The following DOCK9 variants were observed in gnomAD, a reference collection of about 807,000 sequenced individuals.
The protein encoded by DOCK9 is dedicator of cytokinesis 9.
DOCK9 carries 89 observed loss-of-function variants against 263.3 expected under a neutral mutation model. That is an observed-to-expected ratio of 0.34 (90% CI 0.28 to 0.40). The LOEUF (loss-of-function observed/expected upper bound fraction) is 0.40, where lower values mean the gene tolerates loss of function less well. DOCK9 is among the 10% of genes least tolerant of loss of function. The pLI is 1.00. For synonymous variants in DOCK9, 976 were observed against 973.1 expected (o/e 1.00, Z -0.06); for missense variants, 2,140 against 2,603.4 (o/e 0.82, Z 3.87).
At chr13:98,916,521 G>A (rs1279641985) in intron 7 of DOCK9, among the ~76,000 whole-genome samples, 1 of 152,180 alleles carries the variant, frequency 6.6e-6, no homozygotes, top group Non-Finnish European at 1.5e-5. Context: ...AGGTCTCAGG[G>A]ACAGGGCAAC....
chr13:99,062,487 A>G (rs2041234510), intron 1 of DOCK9, among the ~76,000 whole-genome samples: 2 of 152,190 alleles, frequency 1.3e-5, no homozygotes, highest in South Asian at 4.1e-4. Flanking sequence ...GACCTCCTTG[A>G]TAAGCACCAT....
intron 2 of DOCK9, among the ~76,000 whole-genome samples, chr13:98,942,232 GT>G (rs1200970916): frequency 1.1e-5 from 1 of 90,458 alleles, no homozygotes; most frequent in Non-Finnish European, 2.2e-5. Context: ...TTTTTTTTTT[GT>G]TGTTTTTTTT....
chr13:98,826,788 T>C (rs1170114994), intron 44 of DOCK9, 42 bp downstream of exon 44: 2 of 1,504,692 alleles, frequency 1.3e-6, no homozygotes, highest in Admixed American at 1.9e-5. Flanking sequence ...TTGTGTGGTT[T>C]TATACTAATT....
chr13:99,045,289 AATATGGTGT>A lies in DOCK9; in HGVS notation c.129+40925_129+40933del, dbSNP rs377468584. On this transcript the variant is annotated intron_variant, in intron 1 of 32. Transcript: ENST00000427887. ...CATCAGTGGATAAATGGATAAATAA[AATATGGTGT>A]ATACCGTATATACACAATGAAATAT... is the stretch of plus-strand genomic sequence containing the variant. 9.5e-4 allele frequency among the ~76,000 whole-genome samples: 145 copies of A among 152,344 alleles called. 2 individuals are homozygous for A. Among genetic ancestry groups the A allele is most frequent in the African/African-American group, 3.4e-3 (143 of 41,570 alleles).
chr13:99,004,832 C>T (rs1393263328), intron 1 of DOCK9, among the ~76,000 whole-genome samples: 1 of 150,192 alleles, frequency 6.7e-6, no homozygotes, highest in African/African-American at 2.4e-5. Context: ...GTCACATGTA[C>T]TTCACACACA....
Position 98,874,809 on chromosome 13 carries a change from C to T in DOCK9, c.2943+5089G>A, listed in dbSNP as rs1010558172. 7.2e-5 allele frequency among the ~76,000 whole-genome samples: 11 copies of T among 152,142 alleles called. No homozygotes were observed. In the South Asian group the frequency reaches 8.3e-4, roughly 11 times the overall value. ...CTAATCTTTATACTCTCTGTCATCT[C>T]GCCACTCCTACTAAAGAACCTACTG... On this transcript the variant is annotated intron_variant, in intron 27 of 52. Transcript: ENST00000682017.
At chr13:98,885,191 T>C in intron 20 of DOCK9, 99 bp from the exon 21 acceptor site, 1 of 1,490,938 alleles carries the variant, frequency 6.7e-7, no homozygotes, top group African/African-American at 1.4e-5. Flanking sequence ...TTTAAGAACT[T>C]TTCCTATCAA....
chr13:98,965,124 G>A (rs2059067382), intron 1 of DOCK9, among the ~76,000 whole-genome samples: 1 of 152,132 alleles, frequency 6.6e-6, no homozygotes, highest in Admixed American at 6.5e-5. Context: ...AGGCCGGAGT[G>A]GCAGGTAGGG....
intron 1 of DOCK9, among the ~76,000 whole-genome samples, chr13:99,013,609 G>A (rs915660700): frequency 6.6e-6 from 1 of 152,156 alleles, no homozygotes; most frequent in Non-Finnish European, 1.5e-5. Flanking sequence ...ACTGAGAAGG[G>A]GGTCTGAGCA....
chr13:98,970,327 A>G (rs1488695047), intron 1 of DOCK9, among the ~76,000 whole-genome samples: 1 of 152,152 alleles, frequency 6.6e-6, no homozygotes, highest in Non-Finnish European at 1.5e-5. Flanking sequence ...GTGGTCTGAT[A>G]GCACAATGCA....
chr13:98,808,579 A>T, intron 47 of DOCK9: 1 of 1,124,298 alleles, frequency 8.9e-7, no homozygotes, highest in Non-Finnish European at 1.3e-6. Context: ...ACATCAAACT[A>T]GGAGTTTAGA....
At chr13:98,951,960 C>T (rs547183723) in intron 2 of DOCK9, among the ~76,000 whole-genome samples, 5 of 146,508 alleles carry the variant, frequency 3.4e-5, no homozygotes, top group South Asian at 2.2e-4. Context: ...TGCAATGGCG[C>T]GATCTTGGCT....
intron 1 of DOCK9, among the ~76,000 whole-genome samples, chr13:98,967,182 TTAATC>T (rs797021529): frequency 5.3e-5 from 8 of 152,356 alleles, no homozygotes; most frequent in African/African-American, 1.2e-4. Flanking sequence ...TCTCCATACT[TTAATC>T]TAAAGATGGG....
At chr13:99,025,040 T>C (rs1886554207) in intron 1 of DOCK9, among the ~76,000 whole-genome samples, 1 of 152,224 alleles carries the variant, frequency 6.6e-6, no homozygotes, top group African/African-American at 2.4e-5. Context: ...AGACTCTCTT[T>C]TATATACAGC....
At chr13:99,086,982 G>A (rs1323362654), upstream of DOCK9, among the ~76,000 whole-genome samples, 2 of 152,130 alleles carry the variant, frequency 1.3e-5, no homozygotes, top group Non-Finnish European at 2.9e-5. Flanking sequence ...TTCCTGCCCA[G>A]GGAGCCCGGC....
At chr13:99,046,709 T>C (rs904065977) in intron 1 of DOCK9, among the ~76,000 whole-genome samples, 1 of 152,228 alleles carries the variant, frequency 6.6e-6, no homozygotes, top group Non-Finnish European at 1.5e-5. Flanking sequence ...GGAAACCTGT[T>C]TTATTCAGAG....
At chr13:98,839,415 G>A (rs2093127874) in intron 38 of DOCK9, among the ~76,000 whole-genome samples, 1 of 152,200 alleles carries the variant, frequency 6.6e-6, no homozygotes, top group Non-Finnish European at 1.5e-5. Context: ...CAAACAGGTC[G>A]ATGATGACTG....
At chr13:98,979,226 TAGTAGC>T (rs1410426449), upstream of DOCK9, among the ~76,000 whole-genome samples, 10 of 123,206 alleles carry the variant, frequency 8.1e-5, no homozygotes, top group South Asian at 2.9e-4. Context: ...GTAGTAGTAG[TAGTAGC>T]AGCAGCGGCG....
chr13:98,887,555 G>T (rs1277252131), intron 18 of DOCK9, among the ~76,000 whole-genome samples: 2 of 139,914 alleles, frequency 1.4e-5, no homozygotes, highest in Admixed American at 7.5e-5. Flanking sequence ...GGCAGTGCTT[G>T]CAGTGAGCCG....
Sources: allele counts gnomAD v4.1 joint callset (sites outside exome capture counted in the v4.1 genomes callset), GRCh38; gene constraint gnomAD v4.1.1; transcripts MANE v1.5; gene names NCBI Gene and HGNC (gene_info 2026-07-23, HGNC 2026-07-21).